Variants in ADAM22 observed in about 807,000 individuals in gnomAD.
The protein encoded by ADAM22 is ADAM metallopeptidase domain 22.
A neutral mutation model predicts 144.6 loss-of-function variants in ADAM22; 65 were observed. The ratio of observed to expected loss-of-function variants is 0.45; its 90% CI spans 0.37 to 0.55. The LOEUF is 0.55. Among genes scored for constraint, ADAM22 ranks in the 20% least tolerant of loss-of-function variants. ADAM22 has a pLI of 0.00. For missense variants in ADAM22, 974 were observed against 1,184.9 expected (o/e 0.82, Z 2.61); for synonymous variants, 391 against 412.6 (o/e 0.95, Z 0.63).
intron 3 of ADAM22, among the ~76,000 whole-genome samples, chr7:88,017,410 T>C (rs1397085964): frequency 6.6e-6 from 1 of 152,100 alleles, no homozygotes; most frequent in Non-Finnish European, 1.5e-5. Context: ...ATGCGTCAAC[T>C]AAAAATAAAA....
At chr7:87,974,443 A>G (rs1276161133) in intron 2 of ADAM22, among the ~76,000 whole-genome samples, 1 of 152,224 alleles carries the variant, frequency 6.6e-6, no homozygotes, top group African/African-American at 2.4e-5. Context: ...AACCAGGCTC[A>G]CATTTATTTT....
chr7:87,995,554 T>C (rs907291614), intron 3 of ADAM22, among the ~76,000 whole-genome samples: 15 of 152,192 alleles, frequency 9.9e-5, no homozygotes. Context: ...GAGTGGTCCC[T>C]GGGACCAGCG....
chr7:88,039,787 G>A (rs1802649839), intron 3 of ADAM22, among the ~76,000 whole-genome samples: 1 of 151,740 alleles, frequency 6.6e-6, no homozygotes. Context: ...CACTTTACCA[G>A]TAACATACTA....
At chr7:88,150,182 A>C (rs1310551557) in intron 18 of ADAM22, among the ~76,000 whole-genome samples, 1 of 152,184 alleles carries the variant, frequency 6.6e-6, no homozygotes, top group Non-Finnish European at 1.5e-5. Context: ...CAATATTGAC[A>C]TTCCCACAGT....
At chr7:88,141,602 G>T (rs1378918227) in intron 14 of ADAM22, among the ~76,000 whole-genome samples, 1 of 151,636 alleles carries the variant, frequency 6.6e-6, no homozygotes, top group African/African-American at 2.4e-5. Flanking sequence ...TAAAATCTTG[G>T]TGGCTTTTCT....
chr7:88,053,587 GGAAGGAAAGAAA>G (rs754516982), intron 3 of ADAM22, among the ~76,000 whole-genome samples: 3,103 of 119,208 alleles, frequency 0.026, 65 homozygotes, highest in African/African-American at 0.027. Context: ...AAGGAAGGAA[GGAAGGAAAGAAA>G]GAAAGAAAGA....
At chr7:88,033,031 G>T (rs999249451) in intron 3 of ADAM22, among the ~76,000 whole-genome samples, 1 of 152,152 alleles carries the variant, frequency 6.6e-6, no homozygotes, top group Non-Finnish European at 1.5e-5. Context: ...TTATAGCAGT[G>T]TGAGAATGGA....
At chr7:88,167,021 C>T (rs966097604) in intron 24 of ADAM22, among the ~76,000 whole-genome samples, 3 of 152,114 alleles carry the variant, frequency 2.0e-5, no homozygotes, top group Non-Finnish European at 2.9e-5. Flanking sequence ...GGTTGGAGTC[C>T]ACTAGTCTGC....
chr7:88,111,369 G>GT (rs61627434), intron 5 of ADAM22, among the ~76,000 whole-genome samples: 12 of 149,102 alleles, frequency 8.0e-5, no homozygotes, highest in South Asian at 2.1e-4. Flanking sequence ...AGTGCGTACT[G>GT]TTTTTTTTTT....
intron 3 of ADAM22, among the ~76,000 whole-genome samples, chr7:88,007,835 A>G (rs1794328774): frequency 6.6e-6 from 1 of 152,248 alleles, no homozygotes; most frequent in South Asian, 2.1e-4. Context: ...GGACATAGGC[A>G]TGGGCAAGGA....
rs115813456 is a variant in ADAM22, at chr7:88,168,619, A to G, written c.2282+392A>G. On this transcript the variant is annotated intron_variant, in intron 25 of 31. Transcript: ENST00000413139. ...TAATGTGTTCAATTTTCTTTTCATGATTTATATAATCTGAAAAGAAACCAG... is the reference window on the plus strand; with the variant it reads ...TAATGTGTTCAATTTTCTTTTCATGGTTTATATAATCTGAAAAGAAACCAG... Among the ~76,000 whole-genome samples the G allele has an allele frequency of 5.3e-3, 806 of 152,244 alleles. 8 individuals are homozygous for G. The highest frequency in any genetic ancestry group is 0.018 in the African/African-American group (765 of 41,556).
At chr7:88,067,911 T>C (rs1811706458) in intron 3 of ADAM22, among the ~76,000 whole-genome samples, 1 of 152,168 alleles carries the variant, frequency 6.6e-6, no homozygotes, top group African/African-American at 2.4e-5. Flanking sequence ...ATTTACAAAC[T>C]GGAAAAGTAA....
intron 4 of ADAM22, among the ~76,000 whole-genome samples, chr7:88,076,328 G>A (rs1160679103): frequency 1.3e-5 from 2 of 152,164 alleles, no homozygotes; most frequent in African/African-American, 4.8e-5. Flanking sequence ...ATGAGCCAAC[G>A]CGCCTGGGAA....
intron 3 of ADAM22, among the ~76,000 whole-genome samples, chr7:88,022,276 T>C (rs920993479): frequency 3.9e-5 from 6 of 152,176 alleles, no homozygotes; most frequent in African/African-American, 1.4e-4. Context: ...CTCTGCTTTC[T>C]TAGAGTTCAG....
At chr7:87,934,573 C>T (rs1161162550) in intron 1 of ADAM22, 23 bp downstream of exon 1, 2 of 1,596,090 alleles carry the variant, frequency 1.3e-6, no homozygotes, top group African/African-American at 2.7e-5. Context: ...TCCTCTGTGC[C>T]TTTGGGCCAT....
At chr7:88,173,632 T>A (rs1194214589) in intron 26 of ADAM22, among the ~76,000 whole-genome samples, 2 of 152,094 alleles carry the variant, frequency 1.3e-5, no homozygotes, top group Non-Finnish European at 2.9e-5. Flanking sequence ...CAAGTAAAGA[T>A]CTTCCCAATT....
intron 7 of ADAM22, among the ~76,000 whole-genome samples, chr7:88,119,348 G>A (rs1462361047): frequency 2.6e-5 from 4 of 152,170 alleles, no homozygotes; most frequent in Non-Finnish European, 5.9e-5. Context: ...CCTTTTGTCT[G>A]TTGTAGAACT....
At chr7:88,045,889 TGTGTGTG>T (rs1450296920) in intron 3 of ADAM22, among the ~76,000 whole-genome samples, 1 of 6,598 alleles carries the variant, frequency 1.5e-4, no homozygotes, top group African/African-American at 2.7e-4. Flanking sequence ...CGTATTCTAT[TGTGTGTG>T]TGTGTGTGTG....
chr7:88,193,619 T>C (rs1195521492), intron 31 of ADAM22, among the ~76,000 whole-genome samples: 1 of 152,204 alleles, frequency 6.6e-6, no homozygotes, highest in Non-Finnish European at 1.5e-5. Context: ...CAGTGGAGCT[T>C]AGAGAGGCAG....
Sources: allele counts gnomAD v4.1 joint callset (sites outside exome capture counted in the v4.1 genomes callset), GRCh38; gene constraint gnomAD v4.1.1; transcripts MANE v1.5; gene names NCBI Gene and HGNC (gene_info 2026-07-23, HGNC 2026-07-21).